The following C8orf89 variants were observed in gnomAD, a reference collection of about 807,000 sequenced individuals.
C8orf89 encodes chromosome 8 open reading frame 89.
In C8orf89, 14 loss-of-function variants were observed where a neutral mutation model predicts 15.8. The observed-to-expected ratio is 0.89, with a 90% CI of 0.59 to 1.39. The LOEUF (loss-of-function observed/expected upper bound fraction) is 1.39, where lower values mean the gene tolerates loss of function less well. Among genes scored for constraint, C8orf89 ranks in the 40% most tolerant of loss-of-function variants. The pLI, the probability that C8orf89 is intolerant of heterozygous loss-of-function variation, is 0.00. For missense variants in C8orf89, 181 were observed against 184.5 expected (o/e 0.98, Z 0.11); for synonymous variants, 55 against 62.2 (o/e 0.88, Z 0.54).
At chr8:73,249,155 C>A (rs926585283) in intron 3 of C8orf89, among the ~76,000 whole-genome samples, 1 of 152,118 alleles carries the variant, frequency 6.6e-6, no homozygotes, top group African/African-American at 2.4e-5. Context: ...TATCAAAAGT[C>A]TTTTCTGCAT....
chr8:73,252,218 G>T (rs1053704037), intron 2 of C8orf89, among the ~76,000 whole-genome samples: 6 of 151,974 alleles, frequency 3.9e-5, no homozygotes, highest in Non-Finnish European at 7.4e-5. Context: ...TGTTTATTGT[G>T]GTGTTACTTA....
intron 2 of C8orf89, among the ~76,000 whole-genome samples, chr8:73,252,748 T>C (rs993859549): frequency 1.3e-5 from 2 of 152,198 alleles, no homozygotes; most frequent in Non-Finnish European, 2.9e-5. Context: ...TTCATTATAA[T>C]AGGAAGATAA....
At chr8:73,278,268 G>A in the C8orf89 span, among the ~76,000 whole-genome samples, 4 of 152,198 alleles carry the variant, frequency 2.6e-5, no homozygotes, top group Non-Finnish European at 5.9e-5. Flanking sequence ...AATGAGTATG[G>A]TAAGGAGTCA....
the C8orf89 span, among the ~76,000 whole-genome samples, chr8:73,266,917 T>C: frequency 1.3e-5 from 2 of 152,048 alleles, no homozygotes; most frequent in Non-Finnish European, 1.5e-5. Context: ...AAAATGAACC[T>C]GTAATAATTT....
chr8:73,248,842 C>A (rs1222941372), intron 3 of C8orf89, among the ~76,000 whole-genome samples: 1 of 151,990 alleles, frequency 6.6e-6, no homozygotes, highest in Non-Finnish European at 1.5e-5. Flanking sequence ...GCTTTTGGGC[C>A]AAGACTATGG....
chr8:73,268,134 G>C, the C8orf89 span, among the ~76,000 whole-genome samples: 1 of 152,178 alleles, frequency 6.6e-6, no homozygotes, highest in Admixed American at 6.5e-5. Context: ...CAATTAATCA[G>C]TCAATCATCC....
the C8orf89 span, among the ~76,000 whole-genome samples, chr8:73,274,498 G>A: frequency 6.6e-6 from 1 of 151,978 alleles, no homozygotes; most frequent in Non-Finnish European, 1.5e-5. Context: ...AAAATGCATT[G>A]GTACAGAGAG....
chr8:73,274,963 T>C, the C8orf89 span, among the ~76,000 whole-genome samples: 1 of 152,198 alleles, frequency 6.6e-6, no homozygotes. Flanking sequence ...AGTGGTAAGG[T>C]GAATTGTTTA....
chr8:73,284,097 G>C, the C8orf89 span, among the ~76,000 whole-genome samples: 569 of 151,548 alleles, frequency 3.8e-3, 2 homozygotes, highest in African/African-American at 0.013. Flanking sequence ...TTGTAACAGG[G>C]AAAAATTGAA....
chr8:73,249,886 A>G (rs1002290063), intron 3 of C8orf89, among the ~76,000 whole-genome samples: 3 of 152,330 alleles, frequency 2.0e-5, no homozygotes, highest in Admixed American at 6.5e-5. Flanking sequence ...ATCAAGCTAA[A>G]GAGTTTATAC....
the C8orf89 span, among the ~76,000 whole-genome samples, chr8:73,275,836 A>C: frequency 6.6e-6 from 1 of 152,050 alleles, no homozygotes; most frequent in Non-Finnish European, 1.5e-5. Context: ...GATATAGTCA[A>C]ATTTGTCTAT....
the C8orf89 span, among the ~76,000 whole-genome samples, chr8:73,268,171 AT>A: frequency 6.6e-6 from 1 of 152,212 alleles, no homozygotes; most frequent in African/African-American, 2.4e-5. Flanking sequence ...TAATCTATAG[AT>A]TAAAAGAGAT....
upstream of C8orf89, among the ~76,000 whole-genome samples, chr8:73,259,970 G>T (rs941824446): frequency 1.3e-5 from 2 of 152,174 alleles, no homozygotes; most frequent in Non-Finnish European, 2.9e-5. Context: ...TGGGAATGGT[G>T]AGGAGTGACA....
chr8:73,261,787 G>A (rs757114381), upstream of C8orf89, among the ~76,000 whole-genome samples: 2 of 152,110 alleles, frequency 1.3e-5, no homozygotes, highest in African/African-American at 2.4e-5. Flanking sequence ...GGGAAGGGGA[G>A]AATCCAGCTC....
chr8:73,245,033 C>A (rs1006113085), intron 3 of C8orf89, among the ~76,000 whole-genome samples: 5 of 152,128 alleles, frequency 3.3e-5, no homozygotes. Flanking sequence ...ACAATCACAC[C>A]AGAAGGCAAA....
At chr8:73,285,092 A>C in the C8orf89 span, among the ~76,000 whole-genome samples, 35 of 152,318 alleles carry the variant, frequency 2.3e-4, no homozygotes, top group Non-Finnish European at 4.3e-4. Flanking sequence ...TTGGCAACAG[A>C]AAGAGGGTTT....
At position 73,241,481 on chromosome 8, in the gene C8orf89, C is replaced by T. The variant is rs868467609; in HGVS notation, c.462G>A (p.Lys154=). Residue 154 remains lysine (K), a synonymous_variant, in exon 4 of 4, where the codon AAG becomes AAA. Coordinates refer to ENST00000624510, the MANE Select transcript of C8orf89 (RefSeq NM_001243237.3). Reference sequence around the variant, plus strand: ...TTCAGCGGTCTCGGAGGTCTCGTTTCTTGCTTTTTTTTGATTTTGTGGTTG... The same window carrying T: ...TTCAGCGGTCTCGGAGGTCTCGTTTTTTGCTTTTTTTTGATTTTGTGGTTG... ...QETTTKSKKS[K]KRDLRDR 1 of 1,529,374 alleles carries T rather than the reference C, an allele frequency of 6.5e-7. No homozygotes were observed. The highest frequency in any genetic ancestry group is 1.7e-4 in the Middle Eastern group (1 of 5,970). 94.7% of individuals were successfully genotyped at this position (1,529,374 alleles called of 1,614,324 possible). A position where few individuals can be genotyped will look rare whatever the true frequency, so the allele number is the denominator to read the frequency against.
intron 2 of C8orf89, among the ~76,000 whole-genome samples, chr8:73,251,113 T>C (rs989445157): frequency 7.9e-5 from 12 of 152,202 alleles, no homozygotes; most frequent in Non-Finnish European, 1.6e-4. Context: ...GAAACCATTT[T>C]ACACTTTAAA....
At chr8:73,284,461 C>A in the C8orf89 span, among the ~76,000 whole-genome samples, 1 of 152,062 alleles carries the variant, frequency 6.6e-6, no homozygotes, top group Non-Finnish European at 1.5e-5. Flanking sequence ...GATCTGCCCG[C>A]CTCGGCCTCT....
Sources: gnomAD v4.1 joint callset for allele counts (sites outside exome capture counted in the v4.1 genomes callset) on GRCh38, gnomAD v4.1.1 for gene constraint, MANE v1.5 for transcripts, NCBI Gene and HGNC (gene_info 2026-07-23, HGNC 2026-07-21) for gene names.